Variants in RARB observed in about 807,000 individuals in gnomAD.
RARB encodes the protein retinoic acid receptor beta.
In RARB, 17 loss-of-function variants were observed where a neutral mutation model predicts 51.9. The observed-to-expected ratio is 0.33, with a 90% CI of 0.22 to 0.49. The LOEUF (loss-of-function observed/expected upper bound fraction) is 0.49. RARB is among the 20% of genes least tolerant of loss of function. The pLI is 0.99. For missense variants in RARB, 369 were observed against 550.8 expected (o/e 0.67, Z 3.30); for synonymous variants, 215 against 195.4 (o/e 1.10, Z -0.84).
intron 2 of RARB, among the ~76,000 whole-genome samples, chr3:24,979,515 C>T (rs1007436629): frequency 2.0e-5 from 3 of 151,564 alleles, no homozygotes; most frequent in African/African-American, 7.3e-5. Flanking sequence ...CTGTTTTGAT[C>T]TTTGTTGGTT....
At chr3:25,203,294 CT>C (rs1319180950) in intron 5 of RARB, among the ~76,000 whole-genome samples, 1 of 152,136 alleles carries the variant, frequency 6.6e-6, no homozygotes, top group Non-Finnish European at 1.5e-5. Context: ...GTAGATCTTC[CT>C]CCATCCCTTA....
chr3:24,916,905 C>A (rs1695118970), intron 2 of RARB, among the ~76,000 whole-genome samples: 1 of 151,478 alleles, frequency 6.6e-6, no homozygotes, highest in Non-Finnish European at 1.5e-5. Flanking sequence ...TTAGGAAAAA[C>A]ATGGATGAAT....
chr3:25,486,757 C>T (rs1002045643), intron 2 of RARB, among the ~76,000 whole-genome samples: 1 of 152,130 alleles, frequency 6.6e-6, no homozygotes, highest in Non-Finnish European at 1.5e-5. Flanking sequence ...ATATCCAGCA[C>T]ATATATGCAT....
chr3:24,906,309 A>G (rs2125375512), intron 2 of RARB, among the ~76,000 whole-genome samples: 1 of 152,256 alleles, frequency 6.6e-6, no homozygotes, highest in East Asian at 1.9e-4. Flanking sequence ...GAATGGATGG[A>G]TCTTAGTGTT....
intron 2 of RARB, among the ~76,000 whole-genome samples, chr3:24,942,698 C>T (rs1336775859): frequency 2.0e-5 from 3 of 152,140 alleles, no homozygotes; most frequent in African/African-American, 7.2e-5. Context: ...TAAATACGCA[C>T]TATGTTGCCT....
At chr3:24,948,659 A>G (rs958704917) in intron 2 of RARB, among the ~76,000 whole-genome samples, 1 of 152,032 alleles carries the variant, frequency 6.6e-6, no homozygotes, top group Non-Finnish European at 1.5e-5. Flanking sequence ...TCATGTCGAG[A>G]TGTTGGAGGT....
At chr3:25,015,283 AAC>A (rs1198585314) in intron 2 of RARB, among the ~76,000 whole-genome samples, 2 of 152,186 alleles carry the variant, frequency 1.3e-5, no homozygotes, top group South Asian at 2.1e-4. Flanking sequence ...AGATCCACTA[AAC>A]ACATGAATTT....
intron 1 of RARB, among the ~76,000 whole-genome samples, chr3:25,451,093 A>G (rs1438151909): frequency 6.6e-6 from 1 of 152,160 alleles, no homozygotes; most frequent in African/African-American, 2.4e-5. Flanking sequence ...GCAAAACTCC[A>G]TCTCAGAAAA....
At chr3:25,260,048 G>T in intron 5 of RARB, 6 of 954,080 alleles carry the variant, frequency 6.3e-6, no homozygotes, top group Non-Finnish European at 7.5e-6. Flanking sequence ...CATGGTGTGA[G>T]TTCGTGTGTG....
intron 5 of RARB, among the ~76,000 whole-genome samples, chr3:25,326,125 C>T (rs1225295789): frequency 2.6e-5 from 4 of 152,180 alleles, no homozygotes; most frequent in African/African-American, 4.8e-5. Flanking sequence ...AGGGGATTGT[C>T]CCCTCTACCC....
At chr3:25,284,244 A>G (rs1464376241) in intron 5 of RARB, among the ~76,000 whole-genome samples, 1 of 152,156 alleles carries the variant, frequency 6.6e-6, no homozygotes, top group Non-Finnish European at 1.5e-5. Flanking sequence ...TTCCCCACTC[A>G]GGCCTGTAGA....
At chr3:25,349,605 C>G (rs1278008345) in intron 5 of RARB, among the ~76,000 whole-genome samples, 2 of 152,008 alleles carry the variant, frequency 1.3e-5, no homozygotes, top group East Asian at 3.8e-4. Context: ...AATTCATGTC[C>G]TCAAATGAGA....
At chr3:24,871,904 T>C (rs1346051616) in intron 2 of RARB, among the ~76,000 whole-genome samples, 1 of 152,166 alleles carries the variant, frequency 6.6e-6, no homozygotes, top group Admixed American at 6.5e-5. Flanking sequence ...TCTTTCAAAA[T>C]AGATGCGGAA....
At chr3:24,901,841 C>G (rs188719795) in intron 2 of RARB, among the ~76,000 whole-genome samples, 1 of 151,990 alleles carries the variant, frequency 6.6e-6, no homozygotes, top group African/African-American at 2.4e-5. Context: ...GGGCCAACAT[C>G]TTATTGAGCA....
intron 2 of RARB, among the ~76,000 whole-genome samples, chr3:24,886,554 TTCTC>T (rs1703270615): frequency 6.6e-6 from 1 of 151,948 alleles, no homozygotes; most frequent in African/African-American, 2.4e-5. Flanking sequence ...AAGCCATTCT[TTCTC>T]CTCAGTCTCC....
intron 5 of RARB, among the ~76,000 whole-genome samples, chr3:25,179,838 C>T (rs540550607): frequency 4.5e-4 from 69 of 152,262 alleles, no homozygotes; most frequent in Non-Finnish European, 6.6e-4. Flanking sequence ...GTTTCTACAA[C>T]TTCCCCAGAC....
intron 3 of RARB, among the ~76,000 whole-genome samples, chr3:25,508,339 G>A (rs1282625945): frequency 1.3e-5 from 2 of 152,182 alleles, no homozygotes; most frequent in Non-Finnish European, 2.9e-5. Context: ...TGGACACTTA[G>A]ATACTTCTGT....
intron 5 of RARB, among the ~76,000 whole-genome samples, chr3:25,245,469 T>C (rs183697801): frequency 6.6e-6 from 1 of 152,208 alleles, no homozygotes; most frequent in African/African-American, 2.4e-5. Context: ...ATTTAGTGTT[T>C]CCTTAAGGAG....
intron 1 of RARB, among the ~76,000 whole-genome samples, chr3:25,430,963 T>C (rs575168017): frequency 6.6e-6 from 1 of 151,948 alleles, no homozygotes; most frequent in Non-Finnish European, 1.5e-5. Context: ...ATTTTTTTTT[T>C]TTTTTAGCAT....
Sources: gnomAD v4.1 joint callset for allele counts (sites outside exome capture counted in the v4.1 genomes callset) on GRCh38, gnomAD v4.1.1 for gene constraint, MANE v1.5 for transcripts, NCBI Gene and HGNC (gene_info 2026-07-23, HGNC 2026-07-21) for gene names.